Variants in GRIK1 observed in about 807,000 individuals in gnomAD.
GRIK1 encodes glutamate ionotropic receptor kainate type subunit 1.
Under a neutral mutation model 105.7 loss-of-function variants are expected in GRIK1, and 69 were observed. That is an observed-to-expected ratio of 0.65 (90% CI 0.54 to 0.80). The LOEUF is 0.80. GRIK1 is among the 30% of genes least tolerant of loss of function. The pLI is 0.00. For synonymous variants in GRIK1, 438 were observed against 431.3 expected (o/e 1.02, Z -0.19); for missense variants, 1,109 against 1,167.3 (o/e 0.95, Z 0.73).
intron 1 of GRIK1, among the ~76,000 whole-genome samples, chr21:29,770,253 C>T (rs532577973): frequency 6.6e-6 from 1 of 152,334 alleles, no homozygotes; most frequent in Admixed American, 6.5e-5. Context: ...ACCCATCGTG[C>T]TCAGCTTCAT....
At chr21:29,793,563 C>T (rs147795610) in intron 1 of GRIK1, among the ~76,000 whole-genome samples, 19 of 150,028 alleles carry the variant, frequency 1.3e-4, no homozygotes, top group African/African-American at 4.7e-4. Flanking sequence ...TTATTCCTCT[C>T]TCTGTTGGTT....
intron 3 of GRIK1, among the ~76,000 whole-genome samples, chr21:29,682,402 C>T (rs543217841): frequency 1.2e-3 from 183 of 152,260 alleles, no homozygotes; most frequent in Non-Finnish European, 2.4e-3. Flanking sequence ...TTTTGGGAGG[C>T]GGGCCTATCC....
chr21:29,691,267 C>T (rs1435940021), intron 2 of GRIK1, among the ~76,000 whole-genome samples: 3 of 152,176 alleles, frequency 2.0e-5, no homozygotes, highest in East Asian at 3.8e-4. Flanking sequence ...ACTGAGATAG[C>T]ACCACAGAAC....
intron 1 of GRIK1, among the ~76,000 whole-genome samples, chr21:29,917,727 T>A (rs1043319915): frequency 3.9e-5 from 6 of 152,040 alleles, no homozygotes; most frequent in Non-Finnish European, 7.4e-5. Flanking sequence ...TTTAAGCCAG[T>A]ATTTACATTT....
chr21:29,763,661 AG>A (rs944594299), intron 1 of GRIK1: 4 of 152,230 alleles, frequency 2.6e-5, no homozygotes, highest in African/African-American at 9.6e-5. Flanking sequence ...AGTGGTCTTC[AG>A]GTGATCGAGA....
chr21:29,647,058 C>T (rs1043357902), intron 6 of GRIK1, among the ~76,000 whole-genome samples: 5 of 152,276 alleles, frequency 3.3e-5, no homozygotes, highest in Non-Finnish European at 7.4e-5. Context: ...GTTGGCCAGG[C>T]TGGTCTCGAA....
intron 1 of GRIK1, among the ~76,000 whole-genome samples, chr21:29,736,477 C>T (rs554245650): frequency 3.3e-5 from 5 of 152,244 alleles, no homozygotes; most frequent in African/African-American, 7.2e-5. Flanking sequence ...GATCCTTCCT[C>T]CTCAGCCTCC....
At chr21:29,560,517 T>TC (rs2090435192) in intron 15 of GRIK1, among the ~76,000 whole-genome samples, 2 of 58,156 alleles carry the variant, frequency 3.4e-5, no homozygotes, top group Non-Finnish European at 6.1e-5. Context: ...CCTTCCTTCC[T>TC]TCCTTTCTTT....
intron 1 of GRIK1, among the ~76,000 whole-genome samples, chr21:29,782,839 G>A (rs924469167): frequency 6.6e-6 from 1 of 152,000 alleles, no homozygotes; most frequent in Non-Finnish European, 1.5e-5. Context: ...TATTACACAC[G>A]GAGGCTTGGT....
At chr21:29,830,911 A>G (rs1226263960) in intron 1 of GRIK1, among the ~76,000 whole-genome samples, 1 of 152,160 alleles carries the variant, frequency 6.6e-6, no homozygotes, top group Non-Finnish European at 1.5e-5. Flanking sequence ...TATTAATGAT[A>G]TTAATTTGAA....
At chr21:29,734,640 C>A (rs1316520505) in intron 1 of GRIK1, among the ~76,000 whole-genome samples, 2 of 152,028 alleles carry the variant, frequency 1.3e-5, no homozygotes, top group African/African-American at 2.4e-5. Flanking sequence ...CTCAAGAGAT[C>A]CACCCCCCTG....
chr21:29,591,289 G>A (rs2061331058), intron 9 of GRIK1, 64 bp from the exon 10 acceptor site: 1 of 931,744 alleles, frequency 1.1e-6, no homozygotes, highest in Admixed American at 1.7e-5. Flanking sequence ...CCAAAGAGAG[G>A]CCCCTTCTCT....
chr21:29,789,566 T>C (rs1321003710), intron 1 of GRIK1, among the ~76,000 whole-genome samples: 2 of 152,216 alleles, frequency 1.3e-5, no homozygotes, highest in African/African-American at 4.8e-5. Context: ...AAAGCTCTTT[T>C]CTGCCTGACC....
At chr21:29,797,334 C>A (rs974715356) in intron 1 of GRIK1, among the ~76,000 whole-genome samples, 1 of 152,276 alleles carries the variant, frequency 6.6e-6, no homozygotes, top group East Asian at 1.9e-4. Flanking sequence ...CCTTTCTCAC[C>A]CACGGTTCTG....
intron 16 of GRIK1, among the ~76,000 whole-genome samples, chr21:29,540,786 G>C (rs780269268): frequency 4.6e-5 from 7 of 152,068 alleles, no homozygotes; most frequent in Admixed American, 6.5e-5. Flanking sequence ...TCATGAGAAA[G>C]TATCAAACAT....
chr21:29,738,270 C>T (rs463237), intron 1 of GRIK1, among the ~76,000 whole-genome samples: 113,356 of 152,244 alleles, frequency 0.74, 45,239 homozygotes, highest in South Asian at 0.89. Flanking sequence ...TGTGTGCTCA[C>T]GAACACTCAT....
At chr21:29,937,289 CA>C (rs1244914840) in intron 1 of GRIK1, among the ~76,000 whole-genome samples, 1 of 152,182 alleles carries the variant, frequency 6.6e-6, no homozygotes, top group Non-Finnish European at 1.5e-5. Context: ...TACGGGGCAA[CA>C]GTGCTCATGT....
intron 3 of GRIK1, among the ~76,000 whole-genome samples, chr21:29,687,705 G>A (rs779181666): frequency 6.6e-6 from 1 of 152,206 alleles, no homozygotes; most frequent in South Asian, 2.1e-4. Context: ...TTGAAAAATG[G>A]ATGTCACATA....
At chr21:29,560,384 C>CTTTCTTTCTTT (rs1568813853) in intron 15 of GRIK1, among the ~76,000 whole-genome samples, 1 of 51,008 alleles carries the variant, frequency 2.0e-5, no homozygotes, top group Admixed American at 2.4e-4. Flanking sequence ...TTCCTTCCTT[C>CTTTCTTTCTTT]CTTCCTTCCT....
Sources: allele counts gnomAD v4.1 joint callset (sites outside exome capture counted in the v4.1 genomes callset), GRCh38; gene constraint gnomAD v4.1.1; transcripts MANE v1.5; gene names NCBI Gene and HGNC (gene_info 2026-07-23, HGNC 2026-07-21).